Variants in ROBO1 observed in about 807,000 individuals in gnomAD.
The protein encoded by ROBO1 is roundabout homolog 1.
ROBO1 carries 149 observed loss-of-function variants against 195.9 expected under a neutral mutation model. The ratio of observed to expected loss-of-function variants is 0.76; its 90% CI spans 0.67 to 0.87. The LOEUF is 0.87. ROBO1 is among the 40% of genes least tolerant of loss of function. The probability of loss-of-function intolerance (pLI) is 0.00; values close to 1 mark genes in which losing one functional copy is unlikely to be tolerated. For missense variants in ROBO1, 1,933 were observed against 2,068.3 expected (o/e 0.93, Z 1.27); for synonymous variants, 816 against 733.2 (o/e 1.11, Z -1.82).
intron 2 of ROBO1, among the ~76,000 whole-genome samples, chr3:79,186,153 G>A (rs900838301): frequency 6.6e-6 from 1 of 152,070 alleles, no homozygotes; most frequent in Non-Finnish European, 1.5e-5. Context: ...CTATCCACAT[G>A]TAAATCTTGG....
chr3:78,989,940 G>C (rs2077197314), intron 3 of ROBO1, among the ~76,000 whole-genome samples: 1 of 151,870 alleles, frequency 6.6e-6, no homozygotes, highest in Admixed American at 6.6e-5. Context: ...GCCTAAAAAA[G>C]TCCATAGAAA....
chr3:79,679,777 G>GA (rs998449529), intron 1 of ROBO1, among the ~76,000 whole-genome samples: 3 of 151,522 alleles, frequency 2.0e-5, no homozygotes, highest in African/African-American at 7.3e-5. Context: ...TGAGAAAAAG[G>GA]AAAAAAAGAA....
Position 78,806,106 on chromosome 3 carries a change from T to C in ROBO1, c.500-59206A>G, listed in dbSNP as rs571335479. Among the ~76,000 whole-genome samples, 203 of 152,206 alleles carry C rather than the reference T, an allele frequency of 1.3e-3. 2 individuals carry two copies. The highest frequency in any genetic ancestry group is 4.8e-3 in the African/African-American group (198 of 41,532). On this transcript the variant is annotated intron_variant, in intron 4 of 30. Coordinates refer to ENST00000464233, the MANE Select transcript of ROBO1 (RefSeq NM_002941.4). ...TCCGAAGTAGCTAGGACTGCAGGTG[T>C]GCACTACCACATCCAGCTAATTTTT...
At chr3:79,218,444 G>A (rs1473230235) in intron 2 of ROBO1, among the ~76,000 whole-genome samples, 1 of 151,798 alleles carries the variant, frequency 6.6e-6, no homozygotes, top group Non-Finnish European at 1.5e-5. Context: ...TTTGAAACTG[G>A]TACTAACTAC....
chr3:78,769,699 T>C (rs1381737611), intron 4 of ROBO1, among the ~76,000 whole-genome samples: 1 of 151,458 alleles, frequency 6.6e-6, no homozygotes, highest in African/African-American at 2.4e-5. Flanking sequence ...AAAGAGGTTC[T>C]GTTTTTATGT....
intron 7 of ROBO1, among the ~76,000 whole-genome samples, chr3:78,716,696 C>T (rs2081910434): frequency 1.3e-5 from 2 of 152,256 alleles, no homozygotes; most frequent in South Asian, 4.2e-4. Flanking sequence ...ACAGAAGGCT[C>T]AACACATGTT....
chr3:79,487,876 G>C (rs1323976317), intron 2 of ROBO1, among the ~76,000 whole-genome samples: 1 of 152,002 alleles, frequency 6.6e-6, no homozygotes, highest in African/African-American at 2.4e-5. Flanking sequence ...TTTTTCCCTA[G>C]ATAGAAATAG....
intron 2 of ROBO1, among the ~76,000 whole-genome samples, chr3:79,581,488 A>G (rs1943659609): frequency 6.6e-6 from 1 of 152,150 alleles, no homozygotes; most frequent in African/African-American, 2.4e-5. Flanking sequence ...GTTTGCTTCC[A>G]TCTACTTAAA....
intron 1 of ROBO1, among the ~76,000 whole-genome samples, chr3:79,708,203 C>T (rs1449817719): frequency 1.3e-5 from 2 of 152,090 alleles, no homozygotes; most frequent in African/African-American, 4.8e-5. Context: ...CCTCCCTATA[C>T]AAGGATTAAA....
At chr3:79,723,201 T>C (rs979021554) in intron 1 of ROBO1, among the ~76,000 whole-genome samples, 2 of 152,206 alleles carry the variant, frequency 1.3e-5, no homozygotes, top group African/African-American at 4.8e-5. Flanking sequence ...GAATGTGTTA[T>C]GGGAATGCCC....
intron 3 of ROBO1, among the ~76,000 whole-genome samples, chr3:79,075,589 G>A (rs1332014585): frequency 6.6e-6 from 1 of 151,884 alleles, no homozygotes; most frequent in East Asian, 1.9e-4. Flanking sequence ...GTGGCACCAA[G>A]GAACAGAGTT....
intron 5 of ROBO1, among the ~76,000 whole-genome samples, chr3:78,720,809 C>G (rs1266689034): frequency 2.6e-5 from 4 of 152,218 alleles, no homozygotes; most frequent in African/African-American, 9.6e-5. Flanking sequence ...GTGGATGAAG[C>G]TGGAAACCAT....
intron 3 of ROBO1, among the ~76,000 whole-genome samples, chr3:79,069,456 T>C (rs1290070518): frequency 6.6e-6 from 1 of 151,928 alleles, no homozygotes; most frequent in Non-Finnish European, 1.5e-5. Flanking sequence ...CCCACCTTCA[T>C]GGTCTTCAAC....
At chr3:79,440,427 AT>A (rs2039014953) in intron 2 of ROBO1, among the ~76,000 whole-genome samples, 2 of 152,048 alleles carry the variant, frequency 1.3e-5, no homozygotes. Flanking sequence ...TCTGCTCATA[AT>A]TTATGTAGCT....
At chr3:78,962,842 A>C (rs994576454) in intron 3 of ROBO1, among the ~76,000 whole-genome samples, 3 of 151,308 alleles carry the variant, frequency 2.0e-5, no homozygotes, top group African/African-American at 4.9e-5. Context: ...AAAAAAAAAA[A>C]AAAAAAACTT....
chr3:79,068,910 C>T (rs945814443), intron 3 of ROBO1, among the ~76,000 whole-genome samples: 4 of 151,890 alleles, frequency 2.6e-5, no homozygotes, highest in Non-Finnish European at 5.9e-5. Flanking sequence ...ATTCCTTTCT[C>T]TTCCATTATC....
intron 2 of ROBO1, among the ~76,000 whole-genome samples, chr3:79,273,811 A>C (rs2030784516): frequency 6.6e-6 from 1 of 152,046 alleles, no homozygotes; most frequent in African/African-American, 2.4e-5. Context: ...AAAGGTATGG[A>C]AATGAAAAAT....
chr3:78,621,450 T>C lies in ROBO1; in HGVS notation c.3876-3409A>G, dbSNP rs142705521. ...TGTTGTGTTTGGATAATGCACATTC[T>C]GTAGAGCAAATACATCTTCATGTAA... is the stretch of plus-strand genomic sequence containing the variant. On this transcript the variant is annotated intron_variant, in intron 26 of 30. Coordinates refer to ENST00000464233, the MANE Select transcript of ROBO1 (RefSeq NM_002941.4). Among the ~76,000 whole-genome samples, 196 of 152,330 alleles carry C rather than the reference T, an allele frequency of 1.3e-3. 3 individuals are homozygous for C. In the East Asian group the frequency reaches 0.032, roughly 25 times the overall value.
At chr3:79,283,776 C>T (rs1303070710) in intron 2 of ROBO1, among the ~76,000 whole-genome samples, 2 of 151,086 alleles carry the variant, frequency 1.3e-5, no homozygotes, top group Admixed American at 1.3e-4. Context: ...CCGCTCACTG[C>T]AAGCTCCGCC....
Sources: allele counts gnomAD v4.1 joint callset (sites outside exome capture counted in the v4.1 genomes callset), GRCh38; gene constraint gnomAD v4.1.1; transcripts MANE v1.5; gene names NCBI Gene and HGNC (gene_info 2026-07-23, HGNC 2026-07-21).